Variants in PHC3 observed in about 807,000 individuals in gnomAD.
PHC3 encodes polyhomeotic-like protein 3.
A neutral mutation model predicts 107.4 loss-of-function variants in PHC3; 13 were observed. The observed-to-expected ratio is 0.12, with a 90% CI of 0.08 to 0.19. The LOEUF is 0.19. PHC3 is among the 10% of genes least tolerant of loss of function. The probability of loss-of-function intolerance (pLI) is 1.00; values close to 1 mark genes in which losing one functional copy is unlikely to be tolerated. For missense variants in PHC3, 992 were observed against 1,210.9 expected, an observed-to-expected ratio of 0.82 and a Z score of 2.68; for synonymous variants, 456 against 427.4, an observed-to-expected ratio of 1.07 and a Z score of -0.83.
chr3:170,156,503 C>T (rs1048661744), intron 4 of PHC3, among the ~76,000 whole-genome samples: 4 of 152,104 alleles, frequency 2.6e-5, no homozygotes, highest in East Asian at 3.9e-4. Context: ...CTACCCACCT[C>T]GGCCTCCCAA....
intron 12 of PHC3, among the ~76,000 whole-genome samples, chr3:170,103,417 T>C (rs916909533): frequency 2.0e-5 from 3 of 152,210 alleles, no homozygotes; most frequent in Non-Finnish European, 4.4e-5. Context: ...TTTTCAAATA[T>C]TATTAAAATC....
intron 11 of PHC3, among the ~76,000 whole-genome samples, chr3:170,108,090 A>C (rs1488145051): frequency 6.6e-6 from 1 of 152,202 alleles, no homozygotes; most frequent in Admixed American, 6.5e-5. Flanking sequence ...AACTTGTTAA[A>C]TTCTTAAATC....
intron 4 of PHC3, among the ~76,000 whole-genome samples, chr3:170,164,573 C>G (rs1267535956): frequency 6.6e-6 from 1 of 152,094 alleles, no homozygotes; most frequent in African/African-American, 2.4e-5. Context: ...CAACTAAAAA[C>G]TCTTATGTTA....
chr3:170,100,220 A>G (rs1425932457), intron 14 of PHC3, among the ~76,000 whole-genome samples: 2 of 152,164 alleles, frequency 1.3e-5, no homozygotes, highest in Admixed American at 6.5e-5. Context: ...TACAAAAGAG[A>G]TTACAAAATT....
In PHC3 at chr3:170,102,789, G is replaced by T. The variant is rs775557331; in HGVS notation, c.2601+13C>A. ...AAAAGGGTATTTTACATTGAAGCAA[G>T]GTTTATACAGACCTGCCTAAGGATA... On this transcript the variant is annotated intron_variant, in intron 13 of 14. Coordinates refer to ENST00000495893, the MANE Select transcript of PHC3 (RefSeq NM_024947.4). 1.9e-6 allele frequency: 3 copies of T among 1,613,738 alleles called. No individual in the cohort carries two copies. The Admixed American group carries it at 5.0e-5, about 27-fold the overall frequency.
At chr3:170,113,656 G>T in intron 10 of PHC3, 137 bp from the exon 11 acceptor site, 1 of 766,280 alleles carries the variant, frequency 1.3e-6, no homozygotes, top group Non-Finnish European at 2.0e-6. Context: ...TTTAGTAAGT[G>T]CCTTATTCCT....
intron 4 of PHC3, among the ~76,000 whole-genome samples, chr3:170,165,753 C>CAAAAAAAAAAAAAAAA (rs1201987701): frequency 2.4e-5 from 1 of 41,074 alleles, no homozygotes; most frequent in Non-Finnish European, 4.6e-5. Context: ...GACCTTGTCT[C>CAAAAAAAAAAAAAAAA]AAAAAAAAAA....
chr3:170,178,101 G>A (rs1730777637), intron 2 of PHC3, among the ~76,000 whole-genome samples: 5 of 151,992 alleles, frequency 3.3e-5, no homozygotes, highest in Admixed American at 3.3e-4. Context: ...GGGTGATTAG[G>A]CCATAAGGAC....
rs1576930309 is a variant in PHC3, at chr3:170,090,803, A to G, written c.*6427T>C. 1.3e-5 allele frequency: 2 copies of G among 152,222 alleles called. No homozygotes were observed. Among genetic ancestry groups the G allele is most frequent in the African/African-American group, 4.8e-5 (2 of 41,448 alleles). 9.4% of individuals were successfully genotyped at this position (152,222 alleles called of 1,614,324 possible). On this transcript the variant is annotated 3_prime_UTR_variant, in exon 15 of 15. Transcript: ENST00000495893. ...ATTGCCCAACATGTCACACACAGCTAACCCACTGAAATAAAACCCCAGTCT... is the reference window on the plus strand; with the variant it reads ...ATTGCCCAACATGTCACACACAGCTGACCCACTGAAATAAAACCCCAGTCT...
intron 4 of PHC3, among the ~76,000 whole-genome samples, chr3:170,164,142 G>A (rs929604615): frequency 2.6e-5 from 4 of 152,122 alleles, no homozygotes; most frequent in Admixed American, 6.6e-5. Flanking sequence ...GCTGCAGTGA[G>A]CTATGATCAT....
intron 6 of PHC3, among the ~76,000 whole-genome samples, chr3:170,144,459 T>G (rs141527539): frequency 6.6e-6 from 1 of 152,130 alleles, no homozygotes; most frequent in African/African-American, 2.4e-5. Context: ...TTCATTTACA[T>G]GTCTTTATGT....
Position 170,149,118 on chromosome 3 carries a change from T to C in PHC3, c.541A>G (p.Ser181Gly). The stretch of plus-strand genomic sequence containing the variant: ...GCTCGGAGATACATTTGAGCTTGGC[T>C]TGCCGTTAGGGTAGGGGAAGTACTC... ...LGSTSPTLTASQAQMYLRAQM... is the reference protein window; with the variant it reads ...LGSTSPTLTAGQAQMYLRAQM... The change falls in exon 5 of 15, where the codon AGC (serine) becomes GGC (glycine). Residue 181 changes from serine to glycine, a missense_variant. Physicochemically the swap from Ser to Gly is moderately conservative, Grantham distance 56. Transcript: ENST00000495893. 1 of 1,613,270 alleles carries C rather than the reference T, an allele frequency of 6.2e-7. No individual in the cohort carries two copies. The highest frequency in any genetic ancestry group is 8.5e-7 in the Non-Finnish European group (1 of 1,179,758).
intron 9 of PHC3, among the ~76,000 whole-genome samples, chr3:170,121,444 T>C (rs777921539): frequency 1.1e-4 from 17 of 152,194 alleles, no homozygotes; most frequent in Non-Finnish European, 2.1e-4. Flanking sequence ...GAATACACAG[T>C]AGCTTTGTGA....
intron 6 of PHC3, among the ~76,000 whole-genome samples, chr3:170,140,810 C>G (rs999340293): frequency 4.6e-5 from 7 of 151,764 alleles, no homozygotes; most frequent in African/African-American, 1.7e-4. Flanking sequence ...GTTGGCCAGG[C>G]TACTCTCAAA....
At chr3:170,153,473 A>C (rs1463277219) in intron 4 of PHC3, among the ~76,000 whole-genome samples, 1 of 152,092 alleles carries the variant, frequency 6.6e-6, no homozygotes, top group Non-Finnish European at 1.5e-5. Flanking sequence ...CCATTTAAGA[A>C]TCTTCTGAGG....
chr3:170,093,730 AT>A lies in PHC3; in HGVS notation c.*3499del, dbSNP rs1714347616. 1 of 152,196 alleles carries A rather than the reference AT, an allele frequency of 6.6e-6. No homozygotes were observed. The allele number at this position is 152,196 out of a possible 1,614,324, so 9.4% of individuals were successfully genotyped here. On this transcript the variant is annotated 3_prime_UTR_variant, in exon 15 of 15. Transcript: ENST00000495893. ...CATTTCAATTCAATCTAAGACTTGT[AT>A]TTGTGAATAGATGTCTCATTATAAT...
chr3:170,092,746 A>G lies in PHC3; in HGVS notation c.*4484T>C, dbSNP rs555534765. On this transcript the variant is annotated 3_prime_UTR_variant, in exon 15 of 15. Coordinates refer to ENST00000495893, the MANE Select transcript of PHC3 (RefSeq NM_024947.4). ...TTGAATTTTTGACAAATATTCTCCA[A>G]CTGTAATAAAAGGTTCTCACCTTTT... 6.6e-6 allele frequency: 1 copy of G among 152,298 alleles called. No homozygotes were observed. The highest frequency in any genetic ancestry group is 2.4e-5 in the African/African-American group (1 of 41,562). 9.4% of individuals were successfully genotyped at this position (152,298 alleles called of 1,614,324 possible). A position where few individuals can be genotyped will look rare whatever the true frequency, so the allele number is the denominator to read the frequency against.
chr3:170,156,782 T>A (rs988114092), intron 4 of PHC3, among the ~76,000 whole-genome samples: 2 of 151,556 alleles, frequency 1.3e-5, no homozygotes, highest in Admixed American at 1.3e-4. Context: ...TTTTTAATAG[T>A]AACGGGGTTT....
At position 170,122,613 on chromosome 3, in the gene PHC3, C is replaced by T; in HGVS notation, c.1920G>A (p.Leu640=). Residue 640 remains leucine, a synonymous_variant, in exon 9 of 15, where the codon TTG becomes TTA. Coordinates refer to ENST00000495893, the MANE Select transcript of PHC3 (RefSeq NM_024947.4). The part of the protein sequence containing the change: ...AAITVGRGED[L]TSEHPLLEQV... ...CACCTAACAAAGGATGTTCAGAAGTCAAATCTTCTCCTCTCCCCACTGTTA... is the reference window on the plus strand; with the variant it reads ...CACCTAACAAAGGATGTTCAGAAGTTAAATCTTCTCCTCTCCCCACTGTTA... 6.2e-7 allele frequency: 1 copy of T among 1,613,886 alleles called. No homozygotes were observed. The highest frequency in any genetic ancestry group is 2.2e-5 in the East Asian group (1 of 44,870).
Sources: gnomAD v4.1 joint callset for allele counts (sites outside exome capture counted in the v4.1 genomes callset) on GRCh38, gnomAD v4.1.1 for gene constraint, MANE v1.5 for transcripts, NCBI Gene and HGNC (gene_info 2026-07-23, HGNC 2026-07-21) for gene names.